The following FUBP3 variants were observed in gnomAD, a reference collection of about 807,000 sequenced individuals.
FUBP3 encodes the protein far upstream element-binding protein 3.
FUBP3 carries 28 observed loss-of-function variants against 85.6 expected under a neutral mutation model. That is an observed-to-expected ratio of 0.33 (90% CI 0.24 to 0.45). The LOEUF is 0.45. Ranked by LOEUF, FUBP3 falls within the 20% of genes least tolerant of loss-of-function variation. The probability of loss-of-function intolerance (pLI) is 1.00; values close to 1 mark genes in which losing one functional copy is unlikely to be tolerated. For synonymous variants in FUBP3, 271 were observed against 271.4 expected (o/e 1.00, Z 0.01); for missense variants, 583 against 755.1 (o/e 0.77, Z 2.67).
chr9:130,592,484 CT>C (rs1273963901), intron 1 of FUBP3, among the ~76,000 whole-genome samples: 3 of 152,164 alleles, frequency 2.0e-5, no homozygotes, highest in African/African-American at 7.2e-5. Context: ...CTTAGACTAT[CT>C]TTTCCTTCCT....
At chr9:130,592,613 G>A (rs77857581) in intron 1 of FUBP3, among the ~76,000 whole-genome samples, 5,768 of 152,192 alleles carry the variant, frequency 0.038, 127 homozygotes, top group Non-Finnish European at 0.052. Flanking sequence ...TGGCTCGATC[G>A]TAGCTCACTG....
Position 130,628,066 on chromosome 9 carries a change from A to G in FUBP3, c.1117+1561A>G, listed in dbSNP as rs2119115387. 2.0e-5 allele frequency among the ~76,000 whole-genome samples: 3 copies of G among 151,478 alleles called. No homozygotes were observed. The Middle Eastern group carries it at 0.01, about 515-fold the overall frequency. ...ATGGGAGGGTCTTTCTATGTCACACACACACCGCACTAAACACACGCACGC... is the reference window on the plus strand; with the variant it reads ...ATGGGAGGGTCTTTCTATGTCACACGCACACCGCACTAAACACACGCACGC... On this transcript the variant is annotated intron_variant, in intron 12 of 18. Transcript: ENST00000319725.
intron 12 of FUBP3, among the ~76,000 whole-genome samples, chr9:130,628,106 A>ACG (rs1387532592): frequency 2.5e-5 from 1 of 39,560 alleles, no homozygotes; most frequent in African/African-American, 1.1e-4. Context: ...ACGCACGCGC[A>ACG]CACACACACA....
intron 1 of FUBP3, among the ~76,000 whole-genome samples, chr9:130,591,847 T>C (rs1468553863): frequency 1.3e-5 from 2 of 152,200 alleles, no homozygotes; most frequent in Non-Finnish European, 2.9e-5. Flanking sequence ...ACTTTTATCA[T>C]GGCGGCTTTG....
rs1831350597 is a variant in FUBP3 at position 130,605,026 on chromosome 9, C to A, written c.191-4928C>A. The stretch of plus-strand genomic sequence containing the variant: ...AATGAAAGTTTTATGAAATACATTA[C>A]CCTTATTATATATGGTACATTCTGT... On this transcript the variant is annotated intron_variant, in intron 2 of 18. Coordinates refer to ENST00000319725, the MANE Select transcript of FUBP3 (RefSeq NM_003934.2). Among the ~76,000 whole-genome samples, 3 of 152,216 alleles carry A rather than the reference C, an allele frequency of 2.0e-5. No homozygotes were observed. The Middle Eastern group carries it at 0.01, about 521-fold the overall frequency.
intron 16 of FUBP3, among the ~76,000 whole-genome samples, chr9:130,633,574 G>A (rs903996482): frequency 2.0e-5 from 3 of 152,210 alleles, no homozygotes; most frequent in Admixed American, 6.5e-5. Context: ...CCATTGGGCA[G>A]CCTTCATCTC....
intron 2 of FUBP3, among the ~76,000 whole-genome samples, chr9:130,603,216 G>A (rs766509437): frequency 6.6e-6 from 1 of 151,968 alleles, no homozygotes; most frequent in Non-Finnish European, 1.5e-5. Context: ...ATGTGGTGGC[G>A]TGCACCTGTA....
chr9:130,579,620 G>C lies in FUBP3; in HGVS notation c.-61G>C, dbSNP rs1478094411. 6.6e-6 allele frequency: 7 copies of C among 1,060,828 alleles called. No homozygotes were observed. Among genetic ancestry groups the C allele is most frequent in the Non-Finnish European group, 7.2e-6 (6 of 832,194 alleles). The allele number at this position is 1,060,828 out of a possible 1,614,324, so 65.7% of individuals were successfully genotyped here. A position where few individuals can be genotyped will look rare whatever the true frequency, so the allele number is the denominator to read the frequency against. On this transcript the variant is annotated 5_prime_UTR_variant, in exon 1 of 19. Transcript: ENST00000319725. ...CCCAAGCGGAGCGGGAGGCCGGACCGGGGAGCCGAGCGGCGGCGTCGGCGG... is the reference window on the plus strand; with the variant it reads ...CCCAAGCGGAGCGGGAGGCCGGACCCGGGAGCCGAGCGGCGGCGTCGGCGG...
At chr9:130,595,226 C>CAAAAAAAAA (rs10585883) in intron 1 of FUBP3, among the ~76,000 whole-genome samples, 1 of 100,882 alleles carries the variant, frequency 9.9e-6, no homozygotes. Flanking sequence ...AACTCCGTCT[C>CAAAAAAAAA]AAAAAAAAAA....
chr9:130,622,842 TAAAA>T, intron 10 of FUBP3, 32 bp downstream of exon 10: 33 of 826,288 alleles, frequency 4.0e-5, no homozygotes, highest in South Asian at 1.3e-4. Flanking sequence ...TCCTTAGTGT[TAAAA>T]AAAAAAAAAA....
chr9:130,579,719 G>T lies in FUBP3; in HGVS notation c.39G>T (p.Gly13=). The change falls in exon 1 of 19, where the codon GGG becomes GGT. Residue 13 remains glycine, a synonymous_variant. Transcript: ENST00000319725. The stretch of plus-strand genomic sequence containing the variant: ...TGCAGGGGCAGAGCGCTCCTGTGGG[G>T]ATGAAGGCCGAGGGCTTCGTGGATG... The part of the protein sequence containing the change: ...ELVQGQSAPV[G]MKAEGFVDAL... 1 of 1,277,174 alleles carries T rather than the reference G, an allele frequency of 7.8e-7. No individual in the cohort carries two copies. 79.1% of individuals were successfully genotyped at this position (1,277,174 alleles called of 1,614,324 possible). A position where few individuals can be genotyped will look rare whatever the true frequency, so the allele number is the denominator to read the frequency against.
rs763339444 is a variant in FUBP3, at chr9:130,620,438, A to G, written c.751A>G (p.Met251Val). The G allele has an allele frequency of 1.3e-6, 2 of 1,592,204 alleles. No individual in the cohort carries two copies. Among genetic ancestry groups the G allele is most frequent in the African/African-American group, 1.3e-5 (1 of 74,516 alleles). The change falls in exon 9 of 19, where the codon ATG (methionine) becomes GTG (valine). Residue 251 changes from methionine (M) to valine (V), a missense_variant. By Grantham distance (21) the Met-to-Val change is conservative. Around this residue, in one of 3 missense-constraint regions of FUBP3, gnomAD observed 404 missense variants for 516.8 expected, o/e 0.78. Transcript: ENST00000319725. ...RGVRGDFNSR[M>V]GGGSIEVSVP... Reference sequence around the variant, plus strand: ...TGTACGCGGCGATTTCAACTCTCGAATGGGAGGAGGCAGTATAGAGGTATG... The same window carrying G: ...TGTACGCGGCGATTTCAACTCTCGAGTGGGAGGAGGCAGTATAGAGGTATG...
In FUBP3 at chr9:130,632,294, C is replaced by G. The variant is rs374206409; in HGVS notation, c.1510+16C>G. ...CAGGTCCCAAGTAAGTGACTCGGGG[C>G]GGGGAGTGCATGCCCTCCAGAAAGG... is the stretch of plus-strand genomic sequence containing the variant. On this transcript the variant is annotated intron_variant, in intron 16 of 18. Transcript: ENST00000319725. 1.3e-6 allele frequency: 2 copies of G among 1,596,922 alleles called. No homozygotes were observed. Among genetic ancestry groups the G allele is most frequent in the East Asian group, 4.5e-5 (2 of 44,824 alleles).
intron 13 of FUBP3, chr9:130,631,321 A>G: frequency 1.4e-6 from 2 of 1,397,652 alleles, no homozygotes; most frequent in Non-Finnish European, 1.9e-6. Context: ...GGGTGATGCC[A>G]GGGCAGTTGT....
chr9:130,622,836 T>A, intron 10 of FUBP3, 26 bp downstream of exon 10: 1 of 1,169,612 alleles, frequency 8.5e-7, no homozygotes, highest in Non-Finnish European at 1.2e-6. Flanking sequence ...TAAAAATCCT[T>A]AGTGTTAAAA....
chr9:130,630,199 A>G (rs77207900), intron 12 of FUBP3, among the ~76,000 whole-genome samples: 4,543 of 152,316 alleles, frequency 0.03, 117 homozygotes, highest in South Asian at 0.09. Flanking sequence ...TGAAGGCCCC[A>G]TTGTCATGGA....
chr9:130,579,630 GCGGCGGCGT>G lies in FUBP3; in HGVS notation c.-33_-25del, dbSNP rs537586454. 6,707 of 1,121,058 alleles carry G rather than the reference GCGGCGGCGT, an allele frequency of 6.0e-3. 29 individuals carry two copies. The highest frequency in any genetic ancestry group is 0.01 in the Middle Eastern group (31 of 3,014). 69.4% of individuals were successfully genotyped at this position (1,121,058 alleles called of 1,614,324 possible). A position where few individuals can be genotyped will look rare whatever the true frequency, so the allele number is the denominator to read the frequency against. ...GCGGGAGGCCGGACCGGGGAGCCGA[GCGGCGGCGT>G]CGGCGGCGTCGGCGGCGGCGGCGAC... On this transcript the variant is annotated 5_prime_UTR_variant, in exon 1 of 19. Transcript: ENST00000319725.
At chr9:130,583,903 TATA>T (rs1258162687) in intron 1 of FUBP3, among the ~76,000 whole-genome samples, 1 of 152,126 alleles carries the variant, frequency 6.6e-6, no homozygotes, top group Non-Finnish European at 1.5e-5. Context: ...TATCATATAA[TATA>T]ATTATTTTGG....
chr9:130,617,337 A>T (rs978462093), intron 7 of FUBP3, among the ~76,000 whole-genome samples: 1 of 152,156 alleles, frequency 6.6e-6, no homozygotes, highest in South Asian at 2.1e-4. Context: ...GGTTGTAAGG[A>T]TGGTATCCTA....
Sources: gnomAD v4.1 joint callset for allele counts (sites outside exome capture counted in the v4.1 genomes callset) on GRCh38, gnomAD v4.1.1 for gene constraint, gnomAD v4.1.1 regional missense constraint, MANE v1.5 for transcripts, NCBI Gene and HGNC (gene_info 2026-07-23, HGNC 2026-07-21) for gene names.